DNAH6: variants seen among roughly 807,000 people sequenced by gnomAD.
DNAH6 encodes the protein axonemal beta dynein heavy chain 6.
In DNAH6, 340 loss-of-function variants were observed where a neutral mutation model predicts 491.4. The observed-to-expected ratio is 0.69, with a 90% CI of 0.63 to 0.76. DNAH6 has a LOEUF of 0.76. Among genes scored for constraint, DNAH6 ranks in the 30% least tolerant of loss-of-function variants. The probability of loss-of-function intolerance (pLI) is 0.00; values close to 1 mark genes in which losing one functional copy is unlikely to be tolerated. For synonymous variants in DNAH6, 1,603 were observed against 1,686.1 expected, an observed-to-expected ratio of 0.95 and a Z score of 1.21; for missense variants, 4,443 against 4,972.2, an observed-to-expected ratio of 0.89 and a Z score of 3.20.
chr2:84,577,906 A>T (rs1450472158), intron 13 of DNAH6, among the ~76,000 whole-genome samples: 1 of 152,244 alleles, frequency 6.6e-6, no homozygotes, highest in East Asian at 1.9e-4. Context: ...CCCAATGCCC[A>T]CAGAAAGACA....
At chr2:84,817,566 A>C (rs1025461697) in intron 76 of DNAH6, among the ~76,000 whole-genome samples, 3 of 152,132 alleles carry the variant, frequency 2.0e-5, no homozygotes, top group African/African-American at 7.2e-5. Flanking sequence ...CCAAGAGTTC[A>C]ACACCAGCCT....
intron 9 of DNAH6, 61 bp from the exon 10 acceptor site, chr2:84,552,857 T>C: frequency 1.1e-6 from 1 of 934,108 alleles, no homozygotes; most frequent in Non-Finnish European, 1.6e-6. Context: ...CCTTGTTTTT[T>C]TATTTTGTTT....
At chr2:84,590,590 C>T (rs1563895) in intron 16 of DNAH6, among the ~76,000 whole-genome samples, 141,921 of 152,034 alleles carry the variant, frequency 0.93, 66,276 homozygotes, top group East Asian at 0.99. Flanking sequence ...GACGGCAGAG[C>T]ATGAAGCCCC....
chr2:84,483,234 G>T, the DNAH6 span, among the ~76,000 whole-genome samples: 4 of 152,026 alleles, frequency 2.6e-5, no homozygotes, highest in Non-Finnish European at 5.9e-5. Flanking sequence ...AAAGTGCTGG[G>T]ATTACACGTG....
chr2:84,611,535 T>C, intron 21 of DNAH6, 139 bp from the exon 22 acceptor site: 4 of 700,938 alleles, frequency 5.7e-6, no homozygotes, highest in Non-Finnish European at 9.6e-6. Flanking sequence ...AGGAATTTAA[T>C]TTCAAAGGAC....
At chr2:84,812,283 C>A in intron 72 of DNAH6, 58 bp from the exon 73 acceptor site, 2 of 1,469,326 alleles carry the variant, frequency 1.4e-6, no homozygotes, top group Admixed American at 2.1e-5. Context: ...TAATGTGTGT[C>A]ACTGACACTG....
At chr2:84,537,472 C>A (rs1677806749) in intron 4 of DNAH6, among the ~76,000 whole-genome samples, 1 of 151,904 alleles carries the variant, frequency 6.6e-6, no homozygotes, top group Non-Finnish European at 1.5e-5. Context: ...TGAGTTGACA[C>A]CTAGGGAGAA....
At chr2:84,484,723 A>G in the DNAH6 span, among the ~76,000 whole-genome samples, 1 of 152,194 alleles carries the variant, frequency 6.6e-6, no homozygotes, top group Non-Finnish European at 1.5e-5. Flanking sequence ...ATAATCTGAT[A>G]TAATCTCCTC....
chr2:84,532,034 C>G (rs1208227815), intron 4 of DNAH6, among the ~76,000 whole-genome samples: 1 of 152,082 alleles, frequency 6.6e-6, no homozygotes. Flanking sequence ...AAATAATCAT[C>G]TAATAACCCA....
At chr2:84,549,461 G>A (rs1679112946) in intron 8 of DNAH6, among the ~76,000 whole-genome samples, 1 of 152,196 alleles carries the variant, frequency 6.6e-6, no homozygotes, top group Admixed American at 6.5e-5. Flanking sequence ...CTTTGGGTTA[G>A]CAATTGCCAT....
At chr2:84,553,360 TTTTCTTTTC>T (rs199675308) in intron 10 of DNAH6, among the ~76,000 whole-genome samples, 23,495 of 111,420 alleles carry the variant, frequency 0.21, 2,621 homozygotes, top group Non-Finnish European at 0.23. Flanking sequence ...TTTTCTTTTC[TTTTCTTTTC>T]TTTCTTTCTT....
intron 45 of DNAH6, among the ~76,000 whole-genome samples, chr2:84,691,268 A>G (rs1396029172): frequency 6.6e-6 from 1 of 152,260 alleles, no homozygotes; most frequent in Non-Finnish European, 1.5e-5. Flanking sequence ...TGCTATAAAT[A>G]ATAATGTACA....
chr2:84,664,867 A>G (rs1361734021), intron 37 of DNAH6, among the ~76,000 whole-genome samples: 1 of 152,230 alleles, frequency 6.6e-6, no homozygotes, highest in Non-Finnish European at 1.5e-5. Context: ...TCCTCAACAA[A>G]TGTAAAAGAA....
In DNAH6 at chr2:84,588,851, C is replaced by A. The variant is rs931635039; in HGVS notation, c.2507C>A (p.Ala836Asp). Residue 836 changes from alanine to aspartate, a missense_variant, in exon 16 of 77, where the codon GCT becomes GAT. By Grantham distance (126) the Ala-to-Asp change is moderately radical. This residue lies in a region of DNAH6 where 2,977 missense variants were observed against 3,296.6 expected (regional missense o/e 0.90). Coordinates refer to ENST00000389394, the MANE Select transcript of DNAH6 (RefSeq NM_001370.2). ...GATCCACAGATTTTAGATATCTCTG[C>A]TGACCAAGACAAAATAAGGCTCATA... ...AQDPQILDIS[A>D]DQDKIRLILN... 4 of 1,548,936 alleles carry A rather than the reference C, an allele frequency of 2.6e-6. No homozygotes were observed. The African/African-American group carries it at 5.5e-5, about 21-fold the overall frequency.
Position 84,654,781 on chromosome 2 carries a change from A to G in DNAH6, c.5756A>G (p.Lys1919Arg), listed in dbSNP as rs749582625. The G allele has an allele frequency of 9.7e-5, 151 of 1,550,702 alleles. 1 individual carries two copies. The South Asian group carries it at 1.4e-3, about 14-fold the overall frequency. ...VKTWMKGISK[K>R]LTEETQEYIL... Reference sequence around the variant, plus strand: ...ACTTGGATGAAGGGTATTTCTAAAAAAGTAAGTGCCATCAGATATTCCCCA... The same window carrying G: ...ACTTGGATGAAGGGTATTTCTAAAAGAGTAAGTGCCATCAGATATTCCCCA... Residue 1919 changes from lysine (K) to arginine (R), a missense_variant and splice_region_variant, in exon 35 of 77, where the codon AAA becomes AGA. Transcript: ENST00000389394.
chr2:84,519,363 C>T (rs1675912737), intron 2 of DNAH6, among the ~76,000 whole-genome samples: 1 of 152,006 alleles, frequency 6.6e-6, no homozygotes, highest in Admixed American at 6.6e-5. Context: ...ACATAACTTG[C>T]ACAGTATAAA....
At chr2:84,465,473 C>T in the DNAH6 span, among the ~76,000 whole-genome samples, 15 of 151,438 alleles carry the variant, frequency 9.9e-5, no homozygotes, top group South Asian at 8.4e-4. Context: ...CCAGCCTGGG[C>T]GACAGAGTGA....
intron 29 of DNAH6, among the ~76,000 whole-genome samples, chr2:84,630,763 G>A (rs774655501): frequency 6.6e-6 from 1 of 152,158 alleles, no homozygotes; most frequent in Non-Finnish European, 1.5e-5. Flanking sequence ...TAGGTTAGCA[G>A]TATTGATTTG....
At chr2:84,610,238 A>G (rs1157069933) in intron 21 of DNAH6, among the ~76,000 whole-genome samples, 1 of 152,194 alleles carries the variant, frequency 6.6e-6, no homozygotes, top group East Asian at 1.9e-4. Context: ...GGGCTTCCCC[A>G]ACATGACCAT....
Sources: allele counts gnomAD v4.1 joint callset (sites outside exome capture counted in the v4.1 genomes callset), GRCh38; gene constraint gnomAD v4.1.1; regional missense constraint gnomAD v4.1.1; transcripts MANE v1.5; gene names NCBI Gene and HGNC (gene_info 2026-07-23, HGNC 2026-07-21).